The following ADAM12 variants were observed in gnomAD, a reference collection of about 807,000 sequenced individuals.
ADAM12 encodes the protein ADAM metallopeptidase domain 12, also known as disintegrin and metalloproteinase domain-containing protein 12.
ADAM12 carries 70 observed loss-of-function variants against 106.4 expected under a neutral mutation model. The observed-to-expected ratio is 0.66, with a 90% CI of 0.54 to 0.80. ADAM12 has a LOEUF of 0.80. Ranked by LOEUF, ADAM12 falls within the 30% of genes least tolerant of loss-of-function variation. The pLI, the probability that ADAM12 is intolerant of heterozygous loss-of-function variation, is 0.00. For missense variants in ADAM12, 1,010 were observed against 1,171.9 expected (o/e 0.86, Z 2.02); for synonymous variants, 420 against 433.5 (o/e 0.97, Z 0.39).
At chr10:126,370,540 A>G (rs1383917408) in intron 1 of ADAM12, among the ~76,000 whole-genome samples, 1 of 152,180 alleles carries the variant, frequency 6.6e-6, no homozygotes, top group African/African-American at 2.4e-5. Context: ...GGCCCTGCAA[A>G]TGGGTCTCCA....
chr10:126,039,546 C>T (rs572074112), intron 18 of ADAM12, 117 bp from the exon 19 acceptor site: 5 of 1,250,920 alleles, frequency 4.0e-6, no homozygotes, highest in African/African-American at 1.5e-5. Flanking sequence ...GAAGAGAGTA[C>T]ACCCGTGAGT....
At chr10:126,238,444 A>C (rs1208947649) in intron 3 of ADAM12, among the ~76,000 whole-genome samples, 1 of 152,152 alleles carries the variant, frequency 6.6e-6, no homozygotes, top group African/African-American at 2.4e-5. Context: ...GTGCCATTGT[A>C]CTCAGCCTGG....
At position 126,094,093 on chromosome 10, in the gene ADAM12, G is replaced by T; in HGVS notation, c.1037C>A (p.Ala346Glu). ...CCCGAAATTGTGGCCCAGCTCATGT[G>T]CCAGGGTCACGGCTGCACCAAGGGG... ...DNPLGAAVTL[A>E]HELGHNFGMN... Residue 346 changes from alanine to glutamate, a missense_variant, in exon 11 of 23, where the codon GCA becomes GAA. Ala to Glu is a moderately radical substitution (Grantham distance 107, BLOSUM62 -1). Coordinates refer to ENST00000448723, the MANE Select transcript of ADAM12 (RefSeq NM_001288973.2). The T allele has an allele frequency of 6.2e-7, 1 of 1,614,126 alleles. No individual in the cohort carries two copies. The highest frequency in any genetic ancestry group is 8.5e-7 in the Non-Finnish European group (1 of 1,180,022).
At chr10:126,134,946 A>G (rs1956377662) in intron 5 of ADAM12, among the ~76,000 whole-genome samples, 1 of 152,242 alleles carries the variant, frequency 6.6e-6, no homozygotes, top group South Asian at 2.1e-4. Flanking sequence ...CTGGAAATTT[A>G]TCAAACAAAA....
At chr10:126,320,154 T>C (rs1380697197) in intron 2 of ADAM12, among the ~76,000 whole-genome samples, 1 of 152,236 alleles carries the variant, frequency 6.6e-6, no homozygotes, top group Admixed American at 6.5e-5. Context: ...AGAAAGAAAC[T>C]AAATTTAAAT....
At chr10:126,123,608 C>A (rs1464618445) in intron 5 of ADAM12, among the ~76,000 whole-genome samples, 1 of 152,208 alleles carries the variant, frequency 6.6e-6, no homozygotes, top group African/African-American at 2.4e-5. Context: ...GCGCTCCGTA[C>A]ACTGATCACT....
intron 10 of ADAM12, 74 bp downstream of exon 10, chr10:126,098,342 A>G (rs1955595124): frequency 8.1e-7 from 1 of 1,227,520 alleles, no homozygotes; most frequent in Non-Finnish European, 1.2e-6. Flanking sequence ...CTATCTTCAC[A>G]AAGTCTGATA....
At chr10:126,377,820 G>A (rs189647148) in intron 1 of ADAM12, among the ~76,000 whole-genome samples, 2 of 152,154 alleles carry the variant, frequency 1.3e-5, no homozygotes, top group African/African-American at 4.8e-5. Flanking sequence ...AATGTTACTA[G>A]AGCAATTGGT....
chr10:126,312,121 G>C (rs978100678), intron 2 of ADAM12, among the ~76,000 whole-genome samples: 1 of 130,764 alleles, frequency 7.6e-6, no homozygotes, highest in African/African-American at 3.0e-5. Context: ...TTGGAGAATT[G>C]GTTGGTGTGG....
intron 3 of ADAM12, among the ~76,000 whole-genome samples, chr10:126,166,446 T>C (rs956226984): frequency 6.6e-6 from 1 of 152,222 alleles, no homozygotes; most frequent in Non-Finnish European, 1.5e-5. Flanking sequence ...TAGATACAGT[T>C]TGCAAGTCTT....
intron 5 of ADAM12, among the ~76,000 whole-genome samples, chr10:126,128,038 A>G (rs1956234156): frequency 1.3e-5 from 2 of 152,046 alleles, no homozygotes; most frequent in African/African-American, 4.8e-5. Context: ...GGTTTACCAG[A>G]AAAAAAATTG....
intron 1 of ADAM12, among the ~76,000 whole-genome samples, chr10:126,370,855 TG>T (rs1856087886): frequency 6.6e-6 from 1 of 152,204 alleles, no homozygotes; most frequent in Non-Finnish European, 1.5e-5. Context: ...AGGCAAATCA[TG>T]AGTTCTCTAT....
chr10:126,052,918 C>A (rs536624401), intron 14 of ADAM12, among the ~76,000 whole-genome samples: 1 of 152,156 alleles, frequency 6.6e-6, no homozygotes, highest in African/African-American at 2.4e-5. Flanking sequence ...CAGAGTGTGA[C>A]GTGGTTTGGA....
chr10:126,041,994 C>T, intron 18 of ADAM12: 1 of 1,437,982 alleles, frequency 7.0e-7, no homozygotes, highest in Non-Finnish European at 9.1e-7. Context: ...CTCCTGAGCC[C>T]CGAGAACTGT....
intron 18 of ADAM12, among the ~76,000 whole-genome samples, chr10:126,040,945 C>T (rs1005782262): frequency 6.6e-6 from 1 of 152,100 alleles, no homozygotes; most frequent in African/African-American, 2.4e-5. Context: ...CTCCTGTTGG[C>T]CCAGTCCGCA....
chr10:126,336,629 A>AT (rs1286104533), intron 1 of ADAM12, among the ~76,000 whole-genome samples: 1 of 152,132 alleles, frequency 6.6e-6, no homozygotes, highest in Non-Finnish European at 1.5e-5. Context: ...AAAACTTAAG[A>AT]TTTTTTGCAT....
intron 1 of ADAM12, among the ~76,000 whole-genome samples, chr10:126,374,515 T>G (rs1856211915): frequency 6.6e-6 from 1 of 152,084 alleles, no homozygotes; most frequent in Non-Finnish European, 1.5e-5. Flanking sequence ...CAGGCAAGTT[T>G]GAAAAAGAGC....
Position 126,049,630 on chromosome 10 carries a change from T to C in ADAM12, c.1649A>G (p.Asn550Ser), listed in dbSNP as rs1052976690. ...PAPGICFERV[N>S]SAGDPYGNCG... ...GTTGCCATAAGGATCACCTGCAGAA[T>C]TGACTCTCTCAAAGCAGATCCCAGG... Residue 550 changes from asparagine (N) to serine (S), a missense_variant, in exon 15 of 23, where the codon AAT (asparagine) becomes AGT (serine). Asn to Ser is a conservative substitution (Grantham distance 46). This residue lies in a region of ADAM12 where 615 missense variants were observed against 708.5 expected (regional missense o/e 0.87). Transcript: ENST00000448723. The surrounding 1 kb of genome is among the most constrained non-coding windows in gnomAD (Gnocchi z 4.4). 2.5e-6 allele frequency: 4 copies of C among 1,614,150 alleles called. No individual in the cohort carries two copies. The highest frequency in any genetic ancestry group is 2.5e-6 in the Non-Finnish European group (3 of 1,180,034).
intron 8 of ADAM12, among the ~76,000 whole-genome samples, chr10:126,101,949 C>T (rs970075078): frequency 5.9e-5 from 9 of 152,044 alleles, no homozygotes; most frequent in African/African-American, 1.9e-4. Context: ...ACAAAGCATC[C>T]GGCACACCAC....
Sources: gnomAD v4.1 joint callset for allele counts (sites outside exome capture counted in the v4.1 genomes callset) on GRCh38, gnomAD v4.1.1 for gene constraint, gnomAD v4.1.1 regional missense constraint, Gnocchi (gnomAD v3.1) non-coding constraint, MANE v1.5 for transcripts, NCBI Gene and HGNC (gene_info 2026-07-23, HGNC 2026-07-21) for gene names.